The following PLCB1 variants were observed in gnomAD, a reference collection of about 807,000 sequenced individuals.
The protein encoded by PLCB1 is phospholipase C beta 1.
In PLCB1, 46 loss-of-function variants were observed where a neutral mutation model predicts 161.8. The observed-to-expected ratio is 0.28, with a 90% CI of 0.22 to 0.36. PLCB1 has a LOEUF of 0.36. Ranked by LOEUF, PLCB1 falls within the 10% of genes least tolerant of loss-of-function variation. The probability of loss-of-function intolerance (pLI) is 1.00; values close to 1 mark genes in which losing one functional copy is unlikely to be tolerated. For synonymous variants in PLCB1, 517 were observed against 503.7 expected (o/e 1.03, Z -0.35); for missense variants, 1,016 against 1,472.5 (o/e 0.69, Z 5.07).
chr20:8,883,430 A>AACTT lies in PLCB1; in HGVS notation c.*1583_*1586dup, dbSNP rs1252090279. 3.9e-5 allele frequency: 6 copies of AACTT among 152,106 alleles called. No homozygotes were observed. Among genetic ancestry groups the AACTT allele is most frequent in the African/African-American group, 1.4e-4 (6 of 41,448 alleles). 9.4% of individuals were successfully genotyped at this position (152,106 alleles called of 1,614,324 possible). On this transcript the variant is annotated 3_prime_UTR_variant, in exon 32 of 32. Transcript: ENST00000338037. ...AAAATAATAATATGTAGAAAAATGT[A>AACTT]ACTTAGAGAGTAACACATGAACATT... is the stretch of plus-strand genomic sequence containing the variant.
chr20:8,620,417 A>G (rs1429666862), intron 3 of PLCB1, among the ~76,000 whole-genome samples: 1 of 152,074 alleles, frequency 6.6e-6, no homozygotes, highest in Non-Finnish European at 1.5e-5. Flanking sequence ...TCTTCAAACG[A>G]CAGAGCCGGA....
At position 8,882,471 on chromosome 20, in the gene PLCB1, G is replaced by GA. The variant is rs527954603; in HGVS notation, c.*632dup. The GA allele has an allele frequency of 1.3e-3, 189 of 150,544 alleles. No homozygotes were observed. Among genetic ancestry groups the GA allele is most frequent in the African/African-American group, 3.5e-3 (142 of 40,838 alleles). The allele number at this position is 150,544 out of a possible 1,614,324, so 9.3% of individuals were successfully genotyped here. On this transcript the variant is annotated 3_prime_UTR_variant, in exon 32 of 32. Coordinates refer to ENST00000338037, the MANE Select transcript of PLCB1 (RefSeq NM_015192.4). Reference sequence around the variant, plus strand: ...AGTGATTCAAATAAGTTTTCTATTTGAAAAAAAAAATCACTTGATTGTATC... The same window carrying GA: ...AGTGATTCAAATAAGTTTTCTATTTGAAAAAAAAAAATCACTTGATTGTATC...
intron 3 of PLCB1, among the ~76,000 whole-genome samples, chr20:8,399,255 C>T (rs1351070692): frequency 6.6e-6 from 1 of 151,820 alleles, no homozygotes; most frequent in East Asian, 1.9e-4. Flanking sequence ...ATCCTGGTAT[C>T]TAGGTGTTCC....
chr20:8,635,038 G>GACTTCCAT (rs1205392906), intron 4 of PLCB1, among the ~76,000 whole-genome samples: 2 of 152,018 alleles, frequency 1.3e-5, no homozygotes, highest in Non-Finnish European at 2.9e-5. Context: ...TCTATCTCAT[G>GACTTCCAT]ACTTCCATGC....
At chr20:8,796,316 A>G (rs1402707183) in intron 31 of PLCB1, among the ~76,000 whole-genome samples, 2 of 152,168 alleles carry the variant, frequency 1.3e-5, no homozygotes, top group African/African-American at 4.8e-5. Flanking sequence ...GCTTGAAGTT[A>G]GTCTTGTTAG....
intron 3 of PLCB1, among the ~76,000 whole-genome samples, chr20:8,404,693 T>G (rs1216518441): frequency 6.6e-6 from 1 of 152,204 alleles, no homozygotes; most frequent in Non-Finnish European, 1.5e-5. Flanking sequence ...ATGTACAGAT[T>G]CTTTTAGTAA....
intron 3 of PLCB1, among the ~76,000 whole-genome samples, chr20:8,585,819 G>A (rs1334638865): frequency 6.6e-6 from 1 of 152,164 alleles, no homozygotes; most frequent in Non-Finnish European, 1.5e-5. Flanking sequence ...CTCAAATGTA[G>A]ACACTATCTC....
At chr20:8,838,111 A>G (rs763973767) in intron 31 of PLCB1, among the ~76,000 whole-genome samples, 23 of 152,146 alleles carry the variant, frequency 1.5e-4, no homozygotes, top group Middle Eastern at 3.2e-3. Context: ...TCATGAAAGC[A>G]TAGAGTCACT....
In PLCB1 at chr20:8,136,398, G is replaced by A. The variant is rs533916951; in HGVS notation, c.99+3648G>A. ...TCCTAGCACTTTGGGAAGCCGAGGC[G>A]GGCAGATCACAAGACCAGGAGATCG... On this transcript the variant is annotated intron_variant, in intron 1 of 31. Coordinates refer to ENST00000338037, the MANE Select transcript of PLCB1 (RefSeq NM_015192.4). Among the ~76,000 whole-genome samples the A allele has an allele frequency of 2.4e-4, 36 of 151,808 alleles. 1 individual carries two copies. Among genetic ancestry groups the A allele is most frequent in the South Asian group, 2.1e-4 (1 of 4,810 alleles).
chr20:8,158,881 T>C (rs2051591539), intron 2 of PLCB1, among the ~76,000 whole-genome samples: 1 of 152,222 alleles, frequency 6.6e-6, no homozygotes, highest in African/African-American at 2.4e-5. Context: ...CCCATGGCCT[T>C]GGGCAACTCC....
At chr20:8,449,099 C>G (rs960952632) in intron 3 of PLCB1, among the ~76,000 whole-genome samples, 5 of 152,174 alleles carry the variant, frequency 3.3e-5, no homozygotes, top group Non-Finnish European at 4.4e-5. Flanking sequence ...TCTTGGTGTT[C>G]ATGAGCATTG....
intron 1 of PLCB1, among the ~76,000 whole-genome samples, chr20:8,145,727 C>T (rs368063113): frequency 1.6e-4 from 24 of 152,102 alleles, no homozygotes; most frequent in African/African-American, 4.8e-4. Flanking sequence ...AGAAATATAG[C>T]GTGAGCCACA....
In PLCB1 at chr20:8,226,470, C is replaced by A. The variant is rs73897346; in HGVS notation, c.177+76099C>A. ...GGGCCTATAGCAATGATTTTAGAAT[C>A]ATTGATTCAAAGTTGGATGCTTTCC... On this transcript the variant is annotated intron_variant, in intron 2 of 31. Coordinates refer to ENST00000338037, the MANE Select transcript of PLCB1 (RefSeq NM_015192.4). Among the ~76,000 whole-genome samples the A allele has an allele frequency of 6.4e-3, 978 of 152,180 alleles. 14 individuals carry two copies. The highest frequency in any genetic ancestry group is 0.021 in the African/African-American group (873 of 41,518).
At chr20:8,586,135 A>G (rs940475350) in intron 3 of PLCB1, among the ~76,000 whole-genome samples, 1 of 152,234 alleles carries the variant, frequency 6.6e-6, no homozygotes, top group African/African-American at 2.4e-5. Flanking sequence ...TGGTTCCATT[A>G]TCTGACTTTC....
chr20:8,748,002 C>G (rs976192882), intron 23 of PLCB1, among the ~76,000 whole-genome samples: 1 of 152,106 alleles, frequency 6.6e-6, no homozygotes, highest in Non-Finnish European at 1.5e-5. Context: ...GAACTTGACA[C>G]TAAAATCAAA....
At chr20:8,205,283 T>C (rs1978466421) in intron 2 of PLCB1, among the ~76,000 whole-genome samples, 2 of 152,190 alleles carry the variant, frequency 1.3e-5, no homozygotes. Context: ...TTCGTATATT[T>C]TATTAATTAA....
rs869173548 is a variant in PLCB1 at position 8,495,388 on chromosome 20, CTTTTTTTTTT to C, written c.246+123956_246+123965del. On this transcript the variant is annotated intron_variant, in intron 3 of 31. Transcript: ENST00000338037. ...TGTGGACTTTGCCTTACCTTCCTTT[CTTTTTTTTTT>C]TTTTTTTTTTTTTTTTTGAGACGGA... 9.1e-3 allele frequency among the ~76,000 whole-genome samples: 857 copies of C among 94,360 alleles called. 8 individuals are homozygous for C. Among genetic ancestry groups the C allele is most frequent in the African/African-American group, 0.033 (741 of 22,226 alleles). The allele number at this position is 94,360 out of a possible 152,430, so 61.9% of individuals were successfully genotyped here. A position where few individuals can be genotyped will look rare whatever the true frequency, so the allele number is the denominator to read the frequency against.
rs191014015 is a variant in PLCB1 at position 8,666,093 on chromosome 20, T to C, written c.862+7389T>C. ...CAGGAGTAGTTGAAGAATAAATACC[T>C]TATCTTCCATGCCCCTTGGGTTGCA... On this transcript the variant is annotated intron_variant, in intron 9 of 31. Coordinates refer to ENST00000338037, the MANE Select transcript of PLCB1 (RefSeq NM_015192.4). Among the ~76,000 whole-genome samples, 4 of 152,280 alleles carry C rather than the reference T, an allele frequency of 2.6e-5. No homozygotes were observed. In the East Asian group the frequency reaches 7.7e-4, roughly 29 times the overall value.
chr20:8,539,074 A>C (rs1985170163), intron 3 of PLCB1, among the ~76,000 whole-genome samples: 1 of 152,204 alleles, frequency 6.6e-6, no homozygotes, highest in Non-Finnish European at 1.5e-5. Context: ...GGCATGAGCC[A>C]CTGTGCCTGG....
Sources: allele counts gnomAD v4.1 joint callset (sites outside exome capture counted in the v4.1 genomes callset), GRCh38; gene constraint gnomAD v4.1.1; transcripts MANE v1.5; gene names NCBI Gene and HGNC (gene_info 2026-07-23, HGNC 2026-07-21).